Variants in RETREG1 observed in about 807,000 individuals in gnomAD.
The protein encoded by RETREG1 is reticulophagy regulator 1.
RETREG1 carries 44 observed loss-of-function variants against 54.8 expected under a neutral mutation model. The observed-to-expected ratio is 0.80, with a 90% confidence interval of 0.63 to 1.03. The LOEUF (loss-of-function observed/expected upper bound fraction) is 1.03. Among genes scored for constraint, RETREG1 ranks in the 50% least tolerant of loss-of-function variants. The pLI, the probability that RETREG1 is intolerant of heterozygous loss-of-function variation, is 0.00. For synonymous variants in RETREG1, 217 were observed against 238.5 expected (o/e 0.91, Z 0.83); for missense variants, 554 against 605.1 (o/e 0.92, Z 0.89).
Position 16,572,193 on chromosome 5 carries a change from G to T in RETREG1, c.321-91C>A, listed in dbSNP as rs146674599. 3.7e-4 allele frequency: 320 copies of T among 854,876 alleles called. 2 individuals are homozygous for T. The African/African-American group carries it at 4.8e-3, about 13-fold the overall frequency. The allele number at this position is 854,876 out of a possible 1,614,324, so 53.0% of individuals were successfully genotyped here. A position where few individuals can be genotyped will look rare whatever the true frequency, so the allele number is the denominator to read the frequency against. ...TACTTCCTGCCACAGAAACAAAAAA[G>T]GTATTCAATAATGATTTCACTTTTT... is the stretch of plus-strand genomic sequence containing the variant. On this transcript the variant is annotated intron_variant, in intron 1 of 8. Transcript: ENST00000306320.
chr5:16,480,826 C>T (rs1236621184), intron 5 of RETREG1, among the ~76,000 whole-genome samples, 183 bp downstream of exon 5: 2 of 152,002 alleles, frequency 1.3e-5, no homozygotes, highest in African/African-American at 2.4e-5. Flanking sequence ...GCTATTCTTC[C>T]AATTTTAAAA....
intron 3 of RETREG1, among the ~76,000 whole-genome samples, chr5:16,485,967 C>A (rs1033576863): frequency 6.6e-6 from 1 of 152,102 alleles, no homozygotes; most frequent in Non-Finnish European, 1.5e-5. Context: ...AATATGCAAT[C>A]TTTGACTATC....
At chr5:16,595,759 A>AG (rs1445852265) in intron 1 of RETREG1, among the ~76,000 whole-genome samples, 1 of 152,116 alleles carries the variant, frequency 6.6e-6, no homozygotes, top group Non-Finnish European at 1.5e-5. Context: ...CTCATTTGTC[A>AG]GGGGGGCAAG....
At chr5:16,529,806 G>A (rs1740855746) in intron 3 of RETREG1, among the ~76,000 whole-genome samples, 1 of 152,106 alleles carries the variant, frequency 6.6e-6, no homozygotes, top group East Asian at 1.9e-4. Flanking sequence ...TTCACCCTAG[G>A]TGCCCTTTTG....
chr5:16,476,008 A>C (rs1738523242), intron 8 of RETREG1, among the ~76,000 whole-genome samples: 1 of 152,296 alleles, frequency 6.6e-6, no homozygotes, highest in South Asian at 2.1e-4. Context: ...CTTTTGTTGA[A>C]TCTGAGATGG....
intron 1 of RETREG1, among the ~76,000 whole-genome samples, chr5:16,598,653 G>T (rs1243664488): frequency 6.6e-6 from 1 of 152,156 alleles, no homozygotes; most frequent in Non-Finnish European, 1.5e-5. Context: ...ACTCATATTT[G>T]TCATACCAAA....
chr5:16,554,090 C>A (rs769515037), intron 3 of RETREG1, among the ~76,000 whole-genome samples: 4 of 152,210 alleles, frequency 2.6e-5, no homozygotes, highest in African/African-American at 4.8e-5. Context: ...GGAGGCTGAA[C>A]CTTTGAGCTT....
intron 1 of RETREG1, among the ~76,000 whole-genome samples, chr5:16,610,001 C>T (rs991854651): frequency 2.0e-5 from 3 of 152,180 alleles, no homozygotes; most frequent in Non-Finnish European, 4.4e-5. Context: ...GATTCCTGTT[C>T]AGTGAGTGTG....
chr5:16,491,199 G>A (rs1010256036), intron 3 of RETREG1, among the ~76,000 whole-genome samples: 4 of 152,190 alleles, frequency 2.6e-5, no homozygotes, highest in African/African-American at 9.7e-5. Flanking sequence ...TGCAAGGCAG[G>A]GTTATCTCCA....
At chr5:16,503,627 C>G (rs538761851) in intron 3 of RETREG1, among the ~76,000 whole-genome samples, 1 of 145,338 alleles carries the variant, frequency 6.9e-6, no homozygotes, top group African/African-American at 2.6e-5. Flanking sequence ...AAGATCACTG[C>G]ACTCCAGCCT....
At chr5:16,482,874 T>A (rs1738855146) in intron 4 of RETREG1, 2 of 166,710 alleles carry the variant, frequency 1.2e-5, no homozygotes, top group South Asian at 3.0e-4. Flanking sequence ...ATAATCACTA[T>A]GAATGTTTTT....
chr5:16,611,539 A>G (rs1345833013), intron 1 of RETREG1, among the ~76,000 whole-genome samples: 1 of 152,228 alleles, frequency 6.6e-6, no homozygotes, highest in Non-Finnish European at 1.5e-5. Context: ...TTCTGTGCCT[A>G]TCCAAGGCAA....
chr5:16,616,849 C>T lies in RETREG1; in HGVS notation c.123G>A (p.Glu41=). 1 of 1,510,704 alleles carries T rather than the reference C, an allele frequency of 6.6e-7. No individual in the cohort carries two copies. The highest frequency in any genetic ancestry group is 8.8e-7 in the Non-Finnish European group (1 of 1,137,226). 93.6% of individuals were successfully genotyped at this position (1,510,704 alleles called of 1,614,324 possible). Residue 41 remains glutamate, a synonymous_variant, in exon 1 of 9, where the codon GAG becomes GAA. Transcript: ENST00000306320. ...CCGCCCCAGCTTCCTGCGCTTCCTC[C>T]TCCTGCTGCTGCCGCTCTGCGGGGG... ...QASPAERQQQ[E]EEAQEAGAAE... is the part of the protein sequence containing the mutation.
chr5:16,601,876 T>G (rs1228292827), intron 1 of RETREG1, among the ~76,000 whole-genome samples: 1 of 152,016 alleles, frequency 6.6e-6, no homozygotes, highest in African/African-American at 2.4e-5. Flanking sequence ...AAAAACCAGG[T>G]CATCTATAAG....
chr5:16,560,234 G>A (rs916802673), intron 3 of RETREG1, among the ~76,000 whole-genome samples: 18 of 152,160 alleles, frequency 1.2e-4, no homozygotes, highest in African/African-American at 4.3e-4. Flanking sequence ...CTACTACCAC[G>A]TTTATGCTAA....
At chr5:16,609,653 C>T (rs945392113) in intron 1 of RETREG1, among the ~76,000 whole-genome samples, 3 of 152,170 alleles carry the variant, frequency 2.0e-5, no homozygotes, top group South Asian at 4.2e-4. Flanking sequence ...GATCTGCAAA[C>T]GAGACAGGAC....
intron 1 of RETREG1, among the ~76,000 whole-genome samples, chr5:16,575,638 G>A (rs1156746919): frequency 6.6e-6 from 1 of 152,244 alleles, no homozygotes; most frequent in African/African-American, 2.4e-5. Context: ...AGAGCACTCG[G>A]GATGTCTGTC....
At chr5:16,547,648 T>C (rs926751947) in intron 3 of RETREG1, among the ~76,000 whole-genome samples, 2 of 152,224 alleles carry the variant, frequency 1.3e-5, no homozygotes, top group Non-Finnish European at 2.9e-5. Context: ...TTTCAATGTG[T>C]ACAATGAGGC....
At chr5:16,595,081 A>G (rs1173872903) in intron 1 of RETREG1, among the ~76,000 whole-genome samples, 1 of 152,190 alleles carries the variant, frequency 6.6e-6, no homozygotes, top group Non-Finnish European at 1.5e-5. Context: ...ATTTGGATCT[A>G]TGCAACTCAT....
Sources: gnomAD v4.1 joint callset for allele counts (sites outside exome capture counted in the v4.1 genomes callset) on GRCh38, gnomAD v4.1.1 for gene constraint, MANE v1.5 for transcripts, NCBI Gene and HGNC (gene_info 2026-07-23, HGNC 2026-07-21) for gene names.